ARB2A: variants seen among roughly 807,000 people sequenced by gnomAD.
The protein encoded by ARB2A is cotranscriptional regulator ARB2A.
the ARB2A span, among the ~76,000 whole-genome samples, chr5:93,710,647 C>A: frequency 6.6e-6 from 1 of 151,888 alleles, no homozygotes; most frequent in African/African-American, 2.4e-5. Context: ...AGAGATGAGC[C>A]CACTCCCTAC....
the ARB2A span, among the ~76,000 whole-genome samples, chr5:93,924,347 T>G: frequency 6.6e-6 from 1 of 152,198 alleles, no homozygotes; most frequent in African/African-American, 2.4e-5. Flanking sequence ...AAGTTTTAAC[T>G]ACCATATGCC....
chr5:93,974,518 C>T, the ARB2A span, among the ~76,000 whole-genome samples: 1 of 152,146 alleles, frequency 6.6e-6, no homozygotes, highest in East Asian at 1.9e-4. Context: ...TAACACCCCA[C>T]AAAAGCTATT....
At chr5:94,097,403 T>G in the ARB2A span, among the ~76,000 whole-genome samples, 2 of 152,232 alleles carry the variant, frequency 1.3e-5, no homozygotes, top group Non-Finnish European at 2.9e-5. Flanking sequence ...GGTTTGGCTA[T>G]GTCCCCACCC....
the ARB2A span, among the ~76,000 whole-genome samples, chr5:93,935,740 C>A: frequency 6.6e-6 from 1 of 152,174 alleles, no homozygotes; most frequent in Admixed American, 6.5e-5. Context: ...TAATATTTCA[C>A]ATCTCATAAG....
chr5:94,003,990 C>T, the ARB2A span, among the ~76,000 whole-genome samples: 1 of 152,134 alleles, frequency 6.6e-6, no homozygotes, highest in Admixed American at 6.5e-5. Flanking sequence ...GAATGACAGA[C>T]ATATAGATCA....
At chr5:93,739,785 C>T in the ARB2A span, 1 of 151,906 alleles carries the variant, frequency 6.6e-6, no homozygotes, top group South Asian at 2.1e-4. Flanking sequence ...AGGGAAATTC[C>T]CAGGGAACCA....
the ARB2A span, among the ~76,000 whole-genome samples, chr5:94,027,762 C>T: frequency 6.6e-6 from 1 of 152,092 alleles, no homozygotes; most frequent in Non-Finnish European, 1.5e-5. Context: ...CCCTGAATTC[C>T]GTGAGCCACT....
the ARB2A span, among the ~76,000 whole-genome samples, chr5:93,653,542 A>AAAAAAAAAAAAC: frequency 7.3e-6 from 1 of 136,848 alleles, no homozygotes. Context: ...AAAAAAAAAA[A>AAAAAAAAAAAAC]AAAAAAAAAA....
chr5:94,088,417 A>G, the ARB2A span, among the ~76,000 whole-genome samples: 5 of 152,214 alleles, frequency 3.3e-5, no homozygotes, highest in Non-Finnish European at 7.3e-5. Flanking sequence ...ACAGTGGCTG[A>G]CACCTATAAC....
At chr5:94,057,224 T>G in the ARB2A span, among the ~76,000 whole-genome samples, 5 of 152,176 alleles carry the variant, frequency 3.3e-5, no homozygotes, top group African/African-American at 1.2e-4. Context: ...AAAGACATTC[T>G]TACACAAAAC....
At chr5:94,084,831 ATAAAT>A in the ARB2A span, among the ~76,000 whole-genome samples, 1 of 152,164 alleles carries the variant, frequency 6.6e-6, no homozygotes, top group Non-Finnish European at 1.5e-5. Context: ...AGAAAAAGAA[ATAAAT>A]TAGATACCTA....
the ARB2A span, chr5:93,784,623 C>G: frequency 1.5e-6 from 1 of 646,292 alleles, no homozygotes. Flanking sequence ...ATCTCTGGTT[C>G]AAAGTTACTC....
the ARB2A span, among the ~76,000 whole-genome samples, chr5:93,731,471 G>A: frequency 6.6e-6 from 1 of 152,084 alleles, no homozygotes; most frequent in African/African-American, 2.4e-5. Flanking sequence ...CTCCAGAACT[G>A]CATGAAAATA....
At chr5:93,799,209 A>T in the ARB2A span, among the ~76,000 whole-genome samples, 1 of 152,140 alleles carries the variant, frequency 6.6e-6, no homozygotes, top group Non-Finnish European at 1.5e-5. Flanking sequence ...ATTCTGAAGC[A>T]AAGATGTTTG....
chr5:94,005,059 A>T, the ARB2A span, among the ~76,000 whole-genome samples: 1,965 of 150,966 alleles, frequency 0.013, 29 homozygotes, highest in Non-Finnish European at 0.023. Context: ...AACAAAAAAA[A>T]AAAAGTGGCA....
chr5:93,670,252 T>A, the ARB2A span, among the ~76,000 whole-genome samples: 1 of 152,162 alleles, frequency 6.6e-6, no homozygotes. Context: ...CCACTTTTAA[T>A]CTAAAATAGA....
chr5:93,831,299 T>TAA, the ARB2A span, among the ~76,000 whole-genome samples: 96,631 of 136,326 alleles, frequency 0.71, 35,894 homozygotes, highest in South Asian at 0.84. Flanking sequence ...ACTCCGCTGC[T>TAA]AAAAAAAAAA....
At chr5:93,843,301 T>C in the ARB2A span, among the ~76,000 whole-genome samples, 19 of 152,080 alleles carry the variant, frequency 1.2e-4, no homozygotes, top group East Asian at 7.7e-4. Context: ...TATAGAGTCC[T>C]GAACAAATAG....
At chr5:94,061,292 C>T in the ARB2A span, among the ~76,000 whole-genome samples, 11 of 152,182 alleles carry the variant, frequency 7.2e-5, no homozygotes, top group East Asian at 1.5e-3. Flanking sequence ...CAGCAAGCAT[C>T]GAATAAAAGG....
Sources: gnomAD v4.1 joint callset for allele counts (sites outside exome capture counted in the v4.1 genomes callset) on GRCh38, gnomAD v4.1.1 for gene constraint, MANE v1.5 for transcripts, NCBI Gene and HGNC (gene_info 2026-07-23, HGNC 2026-07-21) for gene names.